The following MAK variants were observed in gnomAD, a reference collection of about 807,000 sequenced individuals.
The protein encoded by MAK is male germ cell associated kinase.
MAK carries 65 observed loss-of-function variants against 82.6 expected under a neutral mutation model. That is an observed-to-expected ratio of 0.79 (90% CI 0.64 to 0.97). The LOEUF is 0.97. Ranked by LOEUF, MAK falls within the 50% of genes least tolerant of loss-of-function variation. The pLI, the probability that MAK is intolerant of heterozygous loss-of-function variation, is 0.00. For missense variants in MAK, 703 were observed against 780.2 expected (o/e 0.90, Z 1.18); for synonymous variants, 250 against 274.2 (o/e 0.91, Z 0.87).
chr6:10,821,524 C>G (rs1266765161), intron 2 of MAK, among the ~76,000 whole-genome samples: 1 of 152,034 alleles, frequency 6.6e-6, no homozygotes, highest in Non-Finnish European at 1.5e-5. Flanking sequence ...AATCCGCCCA[C>G]CTCAGCCTCC....
At chr6:10,836,381 C>T (rs762367097) in intron 1 of MAK, among the ~76,000 whole-genome samples, 1 of 152,204 alleles carries the variant, frequency 6.6e-6, no homozygotes, top group African/African-American at 2.4e-5. Flanking sequence ...CAGGGTGAGA[C>T]GCTGATCATT....
intron 5 of MAK, among the ~76,000 whole-genome samples, chr6:10,810,173 C>T (rs1036726811): frequency 6.7e-6 from 1 of 150,202 alleles, no homozygotes; most frequent in Non-Finnish European, 1.5e-5. Context: ...GCCCTCCTGG[C>T]AGATGAGATT....
chr6:10,821,744 C>T (rs907450479), intron 2 of MAK, among the ~76,000 whole-genome samples: 2 of 148,062 alleles, frequency 1.4e-5, no homozygotes, highest in South Asian at 2.1e-4. Context: ...CTGAGGCAGG[C>T]GGACTGCTTG....
chr6:10,828,395 G>A (rs1179772603), intron 2 of MAK, among the ~76,000 whole-genome samples: 1 of 152,154 alleles, frequency 6.6e-6, no homozygotes, highest in Non-Finnish European at 1.5e-5. Flanking sequence ...CTTGCCAACA[G>A]CCAGTACAAA....
intron 5 of MAK, among the ~76,000 whole-genome samples, chr6:10,811,084 C>A (rs1396412678): frequency 6.6e-6 from 1 of 152,144 alleles, no homozygotes; most frequent in Non-Finnish European, 1.5e-5. Flanking sequence ...CTGTAATCTC[C>A]GCCTCCCGGG....
At chr6:10,831,712 C>T (rs1341549161) in intron 1 of MAK, among the ~76,000 whole-genome samples, 1 of 152,094 alleles carries the variant, frequency 6.6e-6, no homozygotes, top group Admixed American at 6.5e-5. Flanking sequence ...CACCACTAAA[C>T]TCCATCCTGG....
intron 1 of MAK, among the ~76,000 whole-genome samples, chr6:10,831,237 C>A (rs1778792174): frequency 6.6e-6 from 1 of 152,112 alleles, no homozygotes; most frequent in South Asian, 2.1e-4. Context: ...TTTAATTTGG[C>A]ATATTGTTTA....
intron 12 of MAK, among the ~76,000 whole-genome samples, chr6:10,774,608 A>G (rs187717274): frequency 3.9e-4 from 60 of 152,382 alleles, no homozygotes; most frequent in Non-Finnish European, 1.5e-5. Flanking sequence ...GATCTCATAA[A>G]AAAAAATTAA....
At chr6:10,771,135 A>G (rs1257884570) in intron 13 of MAK, among the ~76,000 whole-genome samples, 2 of 151,992 alleles carry the variant, frequency 1.3e-5, no homozygotes, top group Non-Finnish European at 2.9e-5. Context: ...ATTGGTGATG[A>G]TCAGGGTGTG....
Position 10,830,724 on chromosome 6 carries a change from T to C in MAK, c.-76A>G. ...GAATATAAATTTGAACGCTTCTTAA[T>C]TTTTATTTGCTTTTGTCCTCACACT... On this transcript the variant is annotated 5_prime_UTR_variant, in exon 2 of 15. Transcript: ENST00000354489. The C allele has an allele frequency of 8.6e-7, 1 of 1,167,268 alleles. No individual in the cohort carries two copies. The highest frequency in any genetic ancestry group is 1.2e-5 in the South Asian group (1 of 81,326). 72.3% of individuals were successfully genotyped at this position (1,167,268 alleles called of 1,614,324 possible). A position where few individuals can be genotyped will look rare whatever the true frequency, so the allele number is the denominator to read the frequency against.
intron 9 of MAK, among the ~76,000 whole-genome samples, chr6:10,792,109 C>A (rs1323193408): frequency 6.6e-6 from 1 of 150,986 alleles, no homozygotes; most frequent in Admixed American, 6.6e-5. Context: ...GTTGACTCTT[C>A]ATTGACAGGA....
At chr6:10,809,528 C>T (rs1299756887) in intron 5 of MAK, among the ~76,000 whole-genome samples, 1 of 152,124 alleles carries the variant, frequency 6.6e-6, no homozygotes, top group African/African-American at 2.4e-5. Context: ...GGTTTTGCCA[C>T]GTCACCCAGG....
At chr6:10,769,549 C>T (rs1421801414) in intron 14 of MAK, among the ~76,000 whole-genome samples, 2 of 152,186 alleles carry the variant, frequency 1.3e-5, no homozygotes, top group Non-Finnish European at 2.9e-5. Context: ...GTCCTGCCAC[C>T]GCTAATTTCT....
chr6:10,787,885 A>G (rs1447030552), intron 10 of MAK, among the ~76,000 whole-genome samples: 1 of 152,052 alleles, frequency 6.6e-6, no homozygotes, highest in African/African-American at 2.4e-5. Flanking sequence ...AGTAGAAGAA[A>G]TACCCACATG....
intron 9 of MAK, among the ~76,000 whole-genome samples, chr6:10,794,055 T>C (rs747440071): frequency 6.6e-6 from 1 of 152,160 alleles, no homozygotes; most frequent in African/African-American, 2.4e-5. Flanking sequence ...CTTAAGGGAA[T>C]TGGAGAAGTT....
rs760421859 is a variant in MAK, at chr6:10,791,686, A to C, written c.1305T>G (p.Asp435Glu). Residue 435 changes from aspartate to glutamate, a missense_variant, in exon 10 of 15, where the codon GAT (aspartate) becomes GAG (glutamate). By Grantham distance (45) the Asp-to-Glu change is conservative (BLOSUM62 2). Transcript: ENST00000354489. ...ATTTGAAATCTTACCGAAATGGAGA[A>C]TCTTTTTTCCTTTTTTCTTTAAAAA... is the stretch of plus-strand genomic sequence containing the variant. ...MGVFKEKRKK[D>E]SPFRLPEPVP... The C allele has an allele frequency of 2.5e-6, 4 of 1,612,704 alleles. No individual in the cohort carries two copies. The highest frequency in any genetic ancestry group is 3.4e-6 in the Non-Finnish European group (4 of 1,179,664).
chr6:10,778,837 T>G (rs1773691469), intron 11 of MAK, among the ~76,000 whole-genome samples: 1 of 151,850 alleles, frequency 6.6e-6, no homozygotes, highest in South Asian at 2.1e-4. Context: ...GTTTCATAAG[T>G]GCTATGGAGG....
intron 5 of MAK, among the ~76,000 whole-genome samples, chr6:10,810,349 T>TC (rs948250483): frequency 3.5e-5 from 5 of 141,928 alleles, no homozygotes; most frequent in African/African-American, 1.3e-4. Flanking sequence ...CTTTTTCTTT[T>TC]TTTTTTTTTT....
At chr6:10,779,741 A>G (rs1773794497) in intron 11 of MAK, among the ~76,000 whole-genome samples, 1 of 151,972 alleles carries the variant, frequency 6.6e-6, no homozygotes, top group Non-Finnish European at 1.5e-5. Context: ...CTGGAGTGCA[A>G]TGGCACTATC....
Sources: allele counts gnomAD v4.1 joint callset (sites outside exome capture counted in the v4.1 genomes callset), GRCh38; gene constraint gnomAD v4.1.1; transcripts MANE v1.5; gene names NCBI Gene and HGNC (gene_info 2026-07-23, HGNC 2026-07-21).